The following TTLL3 variants were observed in gnomAD, a reference collection of about 807,000 sequenced individuals.
The protein encoded by TTLL3 is tubulin monoglycylase TTLL3.
TTLL3 carries 63 observed loss-of-function variants against 75.2 expected under a neutral mutation model. The ratio of observed to expected loss-of-function variants is 0.84; its 90% CI spans 0.68 to 1.03. TTLL3 has a LOEUF of 1.03. TTLL3 is among the 50% of genes least tolerant of loss of function. TTLL3 has a pLI of 0.00. For missense variants in TTLL3, 997 were observed against 1,069.9 expected, an observed-to-expected ratio of 0.93 and a Z score of 0.95; for synonymous variants, 393 against 418.5, an observed-to-expected ratio of 0.94 and a Z score of 0.74.
intron 10 of TTLL3, 186 bp downstream of exon 10, chr3:9,827,426 G>A: frequency 9.0e-7 from 1 of 1,111,864 alleles, no homozygotes; most frequent in Non-Finnish European, 1.2e-6. Context: ...CAGACAGGGG[G>A]CGGTCTCACT....
At chr3:9,821,738 C>CA (rs1382460698) in intron 8 of TTLL3, among the ~76,000 whole-genome samples, 2 of 152,198 alleles carry the variant, frequency 1.3e-5, no homozygotes, top group Admixed American at 1.3e-4. Context: ...CGTGGTGGCT[C>CA]ACGCCTGTAA....
intron 5 of TTLL3, among the ~76,000 whole-genome samples, chr3:9,817,103 G>A (rs978594485): frequency 6.6e-5 from 10 of 152,118 alleles, no homozygotes; most frequent in Non-Finnish European, 1.2e-4. Flanking sequence ...GTGAGCCACC[G>A]CGCTCGGCCT....
chr3:9,821,218 G>T (rs2080382069), intron 8 of TTLL3, among the ~76,000 whole-genome samples: 1 of 152,190 alleles, frequency 6.6e-6, no homozygotes, highest in Admixed American at 6.5e-5. Context: ...CTGAGGGGCA[G>T]TGTTTTCTGA....
intron 11 of TTLL3, among the ~76,000 whole-genome samples, chr3:9,832,725 T>C (rs1240953881): frequency 6.6e-6 from 1 of 152,220 alleles, no homozygotes; most frequent in East Asian, 1.9e-4. Flanking sequence ...ACCTCTTACT[T>C]GTCTGGGTGG....
In TTLL3 at chr3:9,833,229, G is replaced by C. The variant is rs895953751; in HGVS notation, c.1809G>C (p.Gln603His). The change falls in exon 12 of 14, where the codon CAG becomes CAC. Residue 603 changes from glutamine (Q) to histidine (H), a missense_variant. Gln to His is a conservative substitution (Grantham distance 24). Transcript: ENST00000685419. ...GVRPAVPLLT[Q>H]RGSGEARHHF... ...GCCCAGCAGTCCCTCTGCTGACCCAGCGAGGCTCTGGGGAAGGCAAGGACT... is the reference window on the plus strand; with the variant it reads ...GCCCAGCAGTCCCTCTGCTGACCCACCGAGGCTCTGGGGAAGGCAAGGACT... 1 of 1,614,002 alleles carries C rather than the reference G, an allele frequency of 6.2e-7. No individual in the cohort carries two copies.
At position 9,821,202 on chromosome 3, in the gene TTLL3, A is replaced by G. The variant is rs2080379489; in HGVS notation, c.854+461A>G. ...GAGCCCAGTGCCCTGCCTCCCACCAAGCATCCTGAGGGGCAGTGTTTTCTG... is the reference window on the plus strand; with the variant it reads ...GAGCCCAGTGCCCTGCCTCCCACCAGGCATCCTGAGGGGCAGTGTTTTCTG... On this transcript the variant is annotated intron_variant, in intron 8 of 13. Transcript: ENST00000685419. Among the ~76,000 whole-genome samples, 4 of 152,258 alleles carry G rather than the reference A, an allele frequency of 2.6e-5. No individual in the cohort carries two copies. The South Asian group carries it at 8.3e-4, about 32-fold the overall frequency.
At chr3:9,821,845 A>G (rs1379060768) in intron 8 of TTLL3, among the ~76,000 whole-genome samples, 1 of 151,946 alleles carries the variant, frequency 6.6e-6, no homozygotes, top group Non-Finnish European at 1.5e-5. Flanking sequence ...TCTACTAAAA[A>G]TATGAAAATT....
At chr3:9,826,824 A>G (rs1301731367) in intron 9 of TTLL3, among the ~76,000 whole-genome samples, 173 bp from the exon 10 acceptor site, 1 of 152,136 alleles carries the variant, frequency 6.6e-6, no homozygotes, top group African/African-American at 2.4e-5. Flanking sequence ...GGAAAAATTT[A>G]AAATCCTTAG....
chr3:9,826,725 CA>C (rs36060940), intron 9 of TTLL3, among the ~76,000 whole-genome samples: 41,288 of 76,290 alleles, frequency 0.54, 7,094 homozygotes, highest in Middle Eastern at 0.61. Flanking sequence ...AGGGCTGTCT[CA>C]AAAAAAAAAA....
At chr3:9,824,658 C>A (rs1052868374) in intron 8 of TTLL3, among the ~76,000 whole-genome samples, 1 of 152,084 alleles carries the variant, frequency 6.6e-6, no homozygotes, top group African/African-American at 2.4e-5. Context: ...ATCCGCCCAC[C>A]TTGCCCTCCC....
intron 5 of TTLL3, 44 bp downstream of exon 5, chr3:9,816,246 G>A: frequency 1.5e-6 from 2 of 1,321,958 alleles, no homozygotes; most frequent in Non-Finnish European, 2.0e-6. Context: ...CCGACCCCCT[G>A]CCCTTGGGCT....
intron 12 of TTLL3, 85 bp from the exon 13 acceptor site, chr3:9,834,596 C>G: frequency 6.3e-7 from 1 of 1,575,748 alleles, no homozygotes; most frequent in Non-Finnish European, 8.6e-7. Context: ...CTCCATATCC[C>G]CCCATCCTCC....
chr3:9,813,743 C>T (rs1490264931), intron 4 of TTLL3, among the ~76,000 whole-genome samples: 2 of 152,058 alleles, frequency 1.3e-5, no homozygotes, highest in Non-Finnish European at 2.9e-5. Context: ...TATGATCGCA[C>T]CATTGCACTC....
rs540565542 is a variant in TTLL3, at chr3:9,825,940, G to A, written c.995G>A (p.Arg332His). ...ATCGTGAAGCCAGGAGCCAAGTCCC[G>A]CGGACGAGGTGGGGGTCAGCTCCTG... ...IWIVKPGAKS[R>H]GRGIMCMDHL... Residue 332 changes from arginine (R) to histidine (H), a missense_variant, in exon 9 of 14, where the codon CGC becomes CAC. By Grantham distance (29) the Arg-to-His change is conservative. Coordinates refer to ENST00000685419, the MANE Select transcript of TTLL3 (RefSeq NM_001387446.1). 3.0e-5 allele frequency: 48 copies of A among 1,613,148 alleles called. No individual in the cohort carries two copies. The highest frequency in any genetic ancestry group is 1.0e-4 in the Admixed American group (6 of 59,984).
chr3:9,823,385 G>GA (rs2080687102), intron 8 of TTLL3, among the ~76,000 whole-genome samples: 2 of 129,672 alleles, frequency 1.5e-5, no homozygotes, highest in African/African-American at 5.7e-5. Context: ...CTGTCTCAAA[G>GA]AAAAAACAAA....
chr3:9,811,118 T>C (rs1274690540), intron 2 of TTLL3, among the ~76,000 whole-genome samples: 1 of 152,220 alleles, frequency 6.6e-6, no homozygotes, highest in East Asian at 1.9e-4. Context: ...TAAAGGTTCC[T>C]CAGCCATTAG....
At chr3:9,809,917 G>A, upstream of TTLL3, 3 of 1,032,552 alleles carry the variant, frequency 2.9e-6, no homozygotes, top group East Asian at 3.3e-5. Context: ...CAAGGCTCGA[G>A]CCTAGGCAGG....
chr3:9,814,338 AAAAT>A (rs766230244), intron 4 of TTLL3, among the ~76,000 whole-genome samples: 4 of 149,530 alleles, frequency 2.7e-5, no homozygotes, highest in Non-Finnish European at 3.0e-5. Flanking sequence ...TCCGTCTGAA[AAAAT>A]AAATAAATAA....
chr3:9,821,590 A>G (rs1397609815), intron 8 of TTLL3, among the ~76,000 whole-genome samples: 1 of 152,214 alleles, frequency 6.6e-6, no homozygotes, highest in Non-Finnish European at 1.5e-5. Flanking sequence ...TGAGCAGCAG[A>G]TCCACATCAT....
Sources: allele counts gnomAD v4.1 joint callset (sites outside exome capture counted in the v4.1 genomes callset), GRCh38; gene constraint gnomAD v4.1.1; transcripts MANE v1.5; gene names NCBI Gene and HGNC (gene_info 2026-07-23, HGNC 2026-07-21).